ZIM2: variants seen among roughly 807,000 people sequenced by gnomAD.
The protein encoded by ZIM2 is zinc finger imprinted 2.
A neutral mutation model predicts 38.6 loss-of-function variants in ZIM2; 14 were observed. The ratio of observed to expected loss-of-function variants is 0.36; its 90% CI spans 0.24 to 0.57. ZIM2 has a LOEUF of 0.57. Ranked by LOEUF, ZIM2 falls within the 20% of genes least tolerant of loss-of-function variation. The pLI is 0.81. For synonymous variants in ZIM2, 247 were observed against 245.8 expected, an observed-to-expected ratio of 1.00 and a Z score of -0.04; for missense variants, 680 against 695.1, an observed-to-expected ratio of 0.98 and a Z score of 0.24.
At chr19:56,790,819 C>T (rs925358870) in intron 9 of ZIM2, among the ~76,000 whole-genome samples, 2 of 152,202 alleles carry the variant, frequency 1.3e-5, no homozygotes, top group Middle Eastern at 3.4e-3. Flanking sequence ...TATACTATAC[C>T]TCTAAGGGCT....
intron 8 of ZIM2, 100 bp downstream of exon 8, chr19:56,818,500 A>C: frequency 8.0e-7 from 1 of 1,247,734 alleles, no homozygotes; most frequent in South Asian, 1.4e-5. Flanking sequence ...TGAAGTCCAA[A>C]TATATTAATG....
At chr19:56,830,807 A>G (rs1431537731) in intron 2 of ZIM2, among the ~76,000 whole-genome samples, 1 of 152,112 alleles carries the variant, frequency 6.6e-6, no homozygotes, top group Non-Finnish European at 1.5e-5. Flanking sequence ...TGGTGGCATG[A>G]GCCTGTAATC....
At chr19:56,807,284 T>C (rs896663557) in intron 9 of ZIM2, among the ~76,000 whole-genome samples, 8 of 152,186 alleles carry the variant, frequency 5.3e-5, no homozygotes, top group Non-Finnish European at 4.4e-5. Flanking sequence ...GACAGGCAAA[T>C]GACCAACGTA....
In ZIM2 at chr19:56,782,065, G is replaced by A. The variant is rs1374543823; in HGVS notation, c.627C>T (p.Phe209=). 6.2e-6 allele frequency: 10 copies of A among 1,613,974 alleles called. No individual in the cohort carries two copies. The highest frequency in any genetic ancestry group is 8.5e-6 in the Non-Finnish European group (10 of 1,179,902). ...GGCTGAAGTCCACAAGCACATCCTC[G>A]AAGGTCACCAACTCCTCAAACACCA... ...TFLVFEELVT[F]EDVLVDFSPE... is the part of the protein sequence containing the mutation. The change falls in exon 11 of 13, where the codon TTC becomes TTT. Residue 209 remains phenylalanine, a synonymous_variant. Transcript: ENST00000629319.
chr19:56,839,256 GCCC>G (rs76183558), intron 1 of ZIM2, among the ~76,000 whole-genome samples: 25,002 of 149,980 alleles, frequency 0.17, 2,491 homozygotes, highest in Non-Finnish European at 0.23. Context: ...AACTCCAGCA[GCCC>G]CCATCAAACA....
rs762185014 is a variant in ZIM2 at position 56,824,417 on chromosome 19, C to A, written c.-140G>T. On this transcript the variant is annotated 5_prime_UTR_variant, in exon 4 of 13. Coordinates refer to ENST00000629319, the MANE Select transcript of ZIM2 (RefSeq NM_001387356.1). ...GAGCTCGATGATCTCCTCCTTGGTG[C>A]GGGTCTCCGGCTGCAACCAATCGAG... The A allele has an allele frequency of 1.9e-6, 3 of 1,614,094 alleles. No individual in the cohort carries two copies. The highest frequency in any genetic ancestry group is 1.7e-4 in the Middle Eastern group (1 of 6,060).
intron 9 of ZIM2, among the ~76,000 whole-genome samples, chr19:56,801,102 T>G (rs2047505181): frequency 6.6e-6 from 1 of 151,690 alleles, no homozygotes; most frequent in Admixed American, 6.6e-5. Context: ...GCCCGGCTAA[T>G]TTTTTTGTGT....
chr19:56,822,726 C>CTGGGAAAGAAAG lies in ZIM2; in HGVS notation c.190+15_190+26dup, dbSNP rs762337984. 318 of 1,612,870 alleles carry CTGGGAAAGAAAG rather than the reference C, an allele frequency of 2.0e-4. 3 individuals carry two copies. In the South Asian group the frequency reaches 3.2e-3, roughly 16 times the overall value. On this transcript the variant is annotated intron_variant, in intron 6 of 12. Coordinates refer to ENST00000629319, the MANE Select transcript of ZIM2 (RefSeq NM_001387356.1). Reference sequence around the variant, plus strand: ...CACAGCACATGCTCTATATCTCCTACTGGGAAAGAAAGTGGTTAAGACTCA... The same window carrying CTGGGAAAGAAAG: ...CACAGCACATGCTCTATATCTCCTACTGGGAAAGAAAGTGGGAAAGAAAGTGGTTAAGACTCA...
intron 2 of ZIM2, chr19:56,833,172 C>A (rs1471219474): frequency 1.9e-6 from 1 of 517,446 alleles, no homozygotes; most frequent in South Asian, 1.4e-5. Context: ...CAGGCTCCCA[C>A]ATCCCATCTG....
chr19:56,812,710 G>C (rs1198677016), intron 9 of ZIM2: 1 of 982,598 alleles, frequency 1.0e-6, no homozygotes, highest in African/African-American at 1.8e-5. Context: ...GCACTACTGT[G>C]ATCTAGTGAT....
chr19:56,834,352 A>T (rs182530291), intron 2 of ZIM2, among the ~76,000 whole-genome samples: 5 of 152,288 alleles, frequency 3.3e-5, no homozygotes, highest in Non-Finnish European at 7.4e-5. Flanking sequence ...TGGCTGTACC[A>T]GGCTATGTGA....
rs748431268 is a variant in ZIM2, at chr19:56,816,633, C to CTCACGT, written c.490+1107_490+1112dup. The CTCACGT allele has an allele frequency of 1.3e-3, 2,146 of 1,613,766 alleles. 1 individual carries two copies. Among genetic ancestry groups the CTCACGT allele is most frequent in the Non-Finnish European group, 1.7e-3 (1,972 of 1,179,772 alleles). On this transcript the variant is annotated intron_variant, in intron 9 of 12. Transcript: ENST00000629319. Reference sequence around the variant, plus strand: ...GGCTGGGCCTAAAGGTTTCCCCGCGCTCACGTTCACGTTCACGTTCATGTT... The same window carrying CTCACGT: ...GGCTGGGCCTAAAGGTTTCCCCGCGCTCACGTTCACGTTCACGTTCACGTTCATGTT...
intron 12 of ZIM2, among the ~76,000 whole-genome samples, chr19:56,778,057 A>G (rs2046114632): frequency 6.6e-6 from 1 of 152,152 alleles, no homozygotes; most frequent in Non-Finnish European, 1.5e-5. Context: ...TTCCACAGTG[A>G]GGCCTTCTCT....
intron 9 of ZIM2, chr19:56,817,402 T>G (rs777705311): frequency 6.2e-7 from 1 of 1,614,138 alleles, no homozygotes. Flanking sequence ...CTTCCAGTTA[T>G]CATCTGACAT....
chr19:56,837,638 G>A (rs896520734), intron 1 of ZIM2, among the ~76,000 whole-genome samples: 1 of 152,204 alleles, frequency 6.6e-6, no homozygotes, highest in African/African-American at 2.4e-5. Context: ...GTAGGGCTCA[G>A]CTGGCACGCC....
At chr19:56,825,295 A>G (rs2060911849) in intron 3 of ZIM2, among the ~76,000 whole-genome samples, 1 of 152,262 alleles carries the variant, frequency 6.6e-6, no homozygotes, top group Non-Finnish European at 1.5e-5. Flanking sequence ...CAAAAATATT[A>G]AAAGTACTCA....
At chr19:56,811,053 G>A (rs1012235138) in intron 9 of ZIM2, 24 of 977,086 alleles carry the variant, frequency 2.5e-5, no homozygotes, top group African/African-American at 1.1e-4. Context: ...AAACAAGAAT[G>A]AACAAGATAA....
intron 9 of ZIM2, among the ~76,000 whole-genome samples, chr19:56,796,196 G>A (rs775245314): frequency 1.6e-4 from 24 of 152,238 alleles, no homozygotes; most frequent in South Asian, 4.1e-4. Context: ...TTTTGTGGAC[G>A]CTGAAGCCTC....
intron 2 of ZIM2, among the ~76,000 whole-genome samples, chr19:56,831,686 G>C (rs769921789): frequency 1.3e-5 from 2 of 152,186 alleles, no homozygotes; most frequent in Non-Finnish European, 2.9e-5. Flanking sequence ...CCATTAAGTC[G>C]TGTTGTCAAG....
Sources: gnomAD v4.1 joint callset for allele counts (sites outside exome capture counted in the v4.1 genomes callset) on GRCh38, gnomAD v4.1.1 for gene constraint, MANE v1.5 for transcripts, NCBI Gene and HGNC (gene_info 2026-07-23, HGNC 2026-07-21) for gene names.